PTGER3: variants seen among roughly 807,000 people sequenced by gnomAD.
PTGER3 encodes the protein prostaglandin E2 receptor EP3 subtype.
PTGER3 carries 22 observed loss-of-function variants against 34.7 expected under a neutral mutation model. The observed-to-expected ratio is 0.63, with a 90% confidence interval of 0.45 to 0.91. The LOEUF (loss-of-function observed/expected upper bound fraction) is 0.91, where lower values mean the gene tolerates loss of function less well. Among genes scored for constraint, PTGER3 ranks in the 40% least tolerant of loss-of-function variants. The pLI is 0.00. For missense variants in PTGER3, 468 were observed against 519.4 expected (o/e 0.90, Z 0.96); for synonymous variants, 241 against 230.1 (o/e 1.05, Z -0.43).
At chr1:70,934,900 A>G (rs756783898) in intron 4 of PTGER3, among the ~76,000 whole-genome samples, 8 of 152,216 alleles carry the variant, frequency 5.3e-5, no homozygotes, top group Non-Finnish European at 1.2e-4. Flanking sequence ...AGCCGTCGAA[A>G]TGATTGCTTC....
chr1:70,887,888 G>T (rs1646531562), intron 4 of PTGER3, among the ~76,000 whole-genome samples: 1 of 151,202 alleles, frequency 6.6e-6, no homozygotes, highest in African/African-American at 2.5e-5. Context: ...CTTCCATTAT[G>T]TTTGGATATA....
chr1:70,992,636 T>C (rs1161680734), intron 2 of PTGER3, among the ~76,000 whole-genome samples: 1 of 152,186 alleles, frequency 6.6e-6, no homozygotes, highest in African/African-American at 2.4e-5. Context: ...TGCTCTTTTC[T>C]CTACCATGCA....
exon 4 of PTGER3, chr1:70,953,000 T>A: frequency 6.2e-7 from 1 of 1,612,536 alleles, no homozygotes; most frequent in Non-Finnish European, 8.5e-7. Flanking sequence ...GATAGGTTTG[T>A]ACTTGCCCAC....
intron 4 of PTGER3, among the ~76,000 whole-genome samples, chr1:70,920,605 G>C (rs1003718872): frequency 1.3e-5 from 2 of 152,140 alleles, no homozygotes; most frequent in African/African-American, 4.8e-5. Context: ...CAAAGTATAG[G>C]TAATATGGGA....
At chr1:70,862,356 T>C (rs746188755) in intron 4 of PTGER3, 14 of 1,367,028 alleles carry the variant, frequency 1.0e-5, no homozygotes, top group Non-Finnish European at 6.9e-6. Context: ...TAGGCAGATT[T>C]ATCTTCAAGT....
chr1:71,011,189 G>A (rs5682), intron 2 of PTGER3: 386,810 of 984,942 alleles, frequency 0.39, 77,933 homozygotes, highest in South Asian at 0.45. Context: ...TAGACTGTAG[G>A]AAAAACATTT....
intron 4 of PTGER3, among the ~76,000 whole-genome samples, chr1:70,892,238 C>T (rs1646633187): frequency 1.3e-5 from 2 of 152,306 alleles, no homozygotes; most frequent in African/African-American, 4.8e-5. Context: ...TATTCATTAA[C>T]CTCTCTGAGC....
At chr1:71,007,198 A>G (rs1301015863) in intron 2 of PTGER3, 2 of 985,658 alleles carry the variant, frequency 2.0e-6, no homozygotes, top group Non-Finnish European at 2.4e-6. Context: ...TTAAAGTGCC[A>G]ATGATTTCAG....
chr1:70,891,372 A>G (rs753946894), intron 4 of PTGER3, among the ~76,000 whole-genome samples: 2 of 152,222 alleles, frequency 1.3e-5, no homozygotes, highest in African/African-American at 2.4e-5. Context: ...TACAGATGCC[A>G]TCCTCAGACC....
intron 1 of PTGER3, among the ~76,000 whole-genome samples, chr1:71,022,661 AC>A (rs746841182): frequency 6.6e-6 from 1 of 151,672 alleles, no homozygotes; most frequent in Non-Finnish European, 1.5e-5. Flanking sequence ...ATGTATGCTC[AC>A]CAATCCTAAT....
At chr1:70,907,955 A>C (rs2100373726) in intron 4 of PTGER3, among the ~76,000 whole-genome samples, 1 of 152,298 alleles carries the variant, frequency 6.6e-6, no homozygotes, top group African/African-American at 2.4e-5. Flanking sequence ...TACATCCATC[A>C]GGCCATCAGC....
intron 1 of PTGER3, among the ~76,000 whole-genome samples, chr1:71,043,197 A>C (rs1660464833): frequency 6.6e-6 from 1 of 152,260 alleles, no homozygotes; most frequent in Non-Finnish European, 1.5e-5. Flanking sequence ...AAAATCAAAT[A>C]GATTGCATTG....
chr1:70,886,286 G>A (rs756295910), intron 4 of PTGER3: 6 of 451,574 alleles, frequency 1.3e-5, no homozygotes, highest in Admixed American at 4.7e-5. Context: ...ACCAGACACC[G>A]AATCTGCTGG....
chr1:70,970,321 C>T (rs778212740), downstream of PTGER3, among the ~76,000 whole-genome samples: 2 of 152,056 alleles, frequency 1.3e-5, no homozygotes, highest in African/African-American at 2.4e-5. Flanking sequence ...CTGATGTTGG[C>T]AAATACTATG....
intron 4 of PTGER3, among the ~76,000 whole-genome samples, chr1:70,930,320 G>T (rs527428335): frequency 6.6e-6 from 1 of 152,240 alleles, no homozygotes; most frequent in Admixed American, 6.5e-5. Context: ...ATTCCCTGCT[G>T]TTTTGTACAA....
intron 4 of PTGER3, among the ~76,000 whole-genome samples, chr1:70,914,140 A>C (rs1238831565): frequency 6.6e-6 from 1 of 151,728 alleles, no homozygotes; most frequent in Admixed American, 6.6e-5. Flanking sequence ...TTCTAATATT[A>C]TGTGTGTGTG....
intron 1 of PTGER3, among the ~76,000 whole-genome samples, chr1:71,042,947 T>TA: frequency 6.6e-6 from 1 of 152,212 alleles, no homozygotes; most frequent in East Asian, 1.9e-4. Flanking sequence ...TTGTTGCTCA[T>TA]ACCTCACTTT....
chr1:70,941,612 C>T (rs1649768407), intron 4 of PTGER3, among the ~76,000 whole-genome samples: 1 of 152,162 alleles, frequency 6.6e-6, no homozygotes, highest in Non-Finnish European at 1.5e-5. Context: ...CTCTCCTCCT[C>T]ATTTAATGTT....
intron 4 of PTGER3, among the ~76,000 whole-genome samples, chr1:70,899,470 A>G (rs769241831): frequency 3.9e-5 from 6 of 152,152 alleles, no homozygotes; most frequent in Non-Finnish European, 8.8e-5. Context: ...CTAACAGGAA[A>G]TCTCATGAGA....
Sources: gnomAD v4.1 joint callset for allele counts (sites outside exome capture counted in the v4.1 genomes callset) on GRCh38, gnomAD v4.1.1 for gene constraint, MANE v1.5 for transcripts, NCBI Gene and HGNC (gene_info 2026-07-23, HGNC 2026-07-21) for gene names.